CCDC175: variants seen among roughly 807,000 people sequenced by gnomAD.
CCDC175 encodes the protein coiled-coil domain-containing protein 175.
CCDC175 carries 100 observed loss-of-function variants against 114.6 expected under a neutral mutation model. The observed-to-expected ratio is 0.87, with a 90% CI of 0.74 to 1.03. The LOEUF (loss-of-function observed/expected upper bound fraction) is 1.03, where lower values mean the gene tolerates loss of function less well. CCDC175 is among the 50% of genes least tolerant of loss of function. The pLI is 0.00. For missense variants in CCDC175, 880 were observed against 917.8 expected, an observed-to-expected ratio of 0.96 and a Z score of 0.53; for synonymous variants, 306 against 308.7, an observed-to-expected ratio of 0.99 and a Z score of 0.09.
intron 17 of CCDC175, among the ~76,000 whole-genome samples, chr14:59,520,714 T>A (rs1231115460): frequency 2.0e-5 from 3 of 152,212 alleles, no homozygotes. Flanking sequence ...CTTAGATGAA[T>A]CTTAAAACAA....
At chr14:59,547,066 T>C (rs922233589) in intron 8 of CCDC175, among the ~76,000 whole-genome samples, 8 of 151,844 alleles carry the variant, frequency 5.3e-5, no homozygotes, top group African/African-American at 1.9e-4. Flanking sequence ...ACAGGGAGAA[T>C]AGGACAAAAG....
chr14:59,559,144 A>G (rs1896089635), intron 7 of CCDC175, among the ~76,000 whole-genome samples: 1 of 152,152 alleles, frequency 6.6e-6, no homozygotes. Flanking sequence ...CCATAACCTC[A>G]TACACTTTAA....
Position 59,539,333 on chromosome 14 carries a change from T to G in CCDC175, c.1356-493A>C, listed in dbSNP as rs539972729. Among the ~76,000 whole-genome samples the G allele has an allele frequency of 3.9e-5, 6 of 152,314 alleles. No individual in the cohort carries two copies. The South Asian group carries it at 1.0e-3, about 26-fold the overall frequency. On this transcript the variant is annotated intron_variant, in intron 11 of 19. Coordinates refer to ENST00000537690, the MANE Select transcript of CCDC175 (RefSeq NM_001164399.2). ...TGGCTCACGCCTATAATCCCAGCAC[T>G]TTGGGAGGCCGAGGCGGGCAGATCA...
In CCDC175 at chr14:59,513,816, T is replaced by C. The variant is rs147506510; in HGVS notation, c.2099-2013A>G. On this transcript the variant is annotated intron_variant, in intron 17 of 19. Coordinates refer to ENST00000537690, the MANE Select transcript of CCDC175 (RefSeq NM_001164399.2). ...CCCTGTCTGACAGCTTTGAAGAGAG[T>C]AGAGGTTCTCCTAGCACGCAGCTGG... Among the ~76,000 whole-genome samples the C allele has an allele frequency of 3.0e-3, 456 of 152,046 alleles. 1 individual carries two copies. Among genetic ancestry groups the C allele is most frequent in the African/African-American group, 0.01 (420 of 41,464 alleles).
intron 14 of CCDC175, among the ~76,000 whole-genome samples, chr14:59,527,570 G>A (rs1189769514): frequency 1.3e-5 from 2 of 151,878 alleles, no homozygotes; most frequent in African/African-American, 2.4e-5. Context: ...GATCATTATG[G>A]CAATAAGGAT....
chr14:59,565,734 G>A (rs1199176768), intron 4 of CCDC175, among the ~76,000 whole-genome samples: 1 of 151,836 alleles, frequency 6.6e-6, no homozygotes, highest in Non-Finnish European at 1.5e-5. Flanking sequence ...TTGAGATGAG[G>A]ACAGAAGGAA....
At chr14:59,531,274 C>T (rs1045457302) in intron 14 of CCDC175, among the ~76,000 whole-genome samples, 2 of 151,954 alleles carry the variant, frequency 1.3e-5, no homozygotes, top group South Asian at 2.1e-4. Context: ...TGCATACTTT[C>T]GGACATATTT....
At position 59,510,653 on chromosome 14, in the gene CCDC175, G is replaced by A. The variant is rs1010190402; in HGVS notation, c.2298C>T (p.Asp766=). ...RLLVEQESPM[D]LLKKKKHIRT... ...CTCTAAGCTGTTGCTTACTAAGAAG[G>A]TCCATTGGTGATTCCTGTTCCACAA... is the stretch of plus-strand genomic sequence containing the variant. Residue 766 remains aspartate (D), a synonymous_variant, in exon 19 of 20, where the codon GAC becomes GAT. Coordinates refer to ENST00000537690, the MANE Select transcript of CCDC175 (RefSeq NM_001164399.2). 3 of 1,536,944 alleles carry A rather than the reference G, an allele frequency of 2.0e-6. No homozygotes were observed. In the African/African-American group the frequency reaches 4.1e-5, roughly 21 times the overall value.
chr14:59,532,015 G>A lies in CCDC175; in HGVS notation c.1624-105C>T, dbSNP rs1340553385. ...TGAGGGAAAGAGTTTCATCTGTCTT[G>A]GTCTCCTATCCTGAGGTACATAGAA... On this transcript the variant is annotated intron_variant, in intron 13 of 19. Coordinates refer to ENST00000537690, the MANE Select transcript of CCDC175 (RefSeq NM_001164399.2). 10 of 619,948 alleles carry A rather than the reference G, an allele frequency of 1.6e-5. 1 individual carries two copies. The South Asian group carries it at 2.0e-4, about 12-fold the overall frequency. 38.4% of individuals were successfully genotyped at this position (619,948 alleles called of 1,614,324 possible).
At chr14:59,529,799 C>T (rs1282188471) in intron 14 of CCDC175, among the ~76,000 whole-genome samples, 1 of 151,976 alleles carries the variant, frequency 6.6e-6, no homozygotes, top group African/African-American at 2.4e-5. Flanking sequence ...ATGCTTTATC[C>T]ATCAGATTTA....
chr14:59,576,095 C>CT (rs1381241862), intron 1 of CCDC175, among the ~76,000 whole-genome samples: 3 of 152,122 alleles, frequency 2.0e-5, no homozygotes, highest in African/African-American at 7.2e-5. Flanking sequence ...CTGAAAAATA[C>CT]TTTAACCTGG....
At chr14:59,505,848 A>G (rs1193530276) in intron 19 of CCDC175, among the ~76,000 whole-genome samples, 1 of 152,198 alleles carries the variant, frequency 6.6e-6, no homozygotes, top group Admixed American at 6.5e-5. Context: ...TTAAAAGTCA[A>G]AATACAGGTT....
At position 59,551,422 on chromosome 14, in the gene CCDC175, T is replaced by C. The variant is rs777313400; in HGVS notation, c.968A>G (p.Asp323Gly). 2.1e-5 allele frequency: 31 copies of C among 1,448,704 alleles called. No individual in the cohort carries two copies. The South Asian group carries it at 3.6e-4, about 17-fold the overall frequency. The allele number at this position is 1,448,704 out of a possible 1,614,324, so 89.7% of individuals were successfully genotyped here. Residue 323 changes from aspartate to glycine, a missense_variant, in exon 8 of 20, where the codon GAT becomes GGT. Asp to Gly is a moderately conservative substitution (Grantham distance 94). Transcript: ENST00000537690. ...ILEAKLCFFT[D>G]NKEKLDDISN... ...TATATCATCTAGTTTTTCTTTGTTA[T>C]CTGTGAAAAAACACCTATGAACAAA...
At position 59,551,439 on chromosome 14, in the gene CCDC175, A is replaced by G. The variant is rs1216807350; in HGVS notation, c.954-3T>C. On this transcript the variant is annotated splice_region_variant and splice_polypyrimidine_tract_variant and intron_variant, in intron 7 of 19. Coordinates refer to ENST00000537690, the MANE Select transcript of CCDC175 (RefSeq NM_001164399.2). ...CTTTGTTATCTGTGAAAAAACACCT[A>G]TGAACAAAGGAAGCCAAACAGATTC... The G allele has an allele frequency of 1.4e-6, 2 of 1,398,194 alleles. No homozygotes were observed. 86.6% of individuals were successfully genotyped at this position (1,398,194 alleles called of 1,614,324 possible). A position where few individuals can be genotyped will look rare whatever the true frequency, so the allele number is the denominator to read the frequency against.
chr14:59,522,349 G>C (rs1893467898), intron 16 of CCDC175, among the ~76,000 whole-genome samples: 1 of 152,206 alleles, frequency 6.6e-6, no homozygotes, highest in South Asian at 2.1e-4. Flanking sequence ...AGGTAGACAT[G>C]GGACTGTTAC....
chr14:59,526,163 A>G (rs957757928), intron 15 of CCDC175, among the ~76,000 whole-genome samples: 4 of 152,222 alleles, frequency 2.6e-5, no homozygotes, highest in African/African-American at 7.2e-5. Flanking sequence ...CTCTATTATT[A>G]TACTATTATA....
intron 7 of CCDC175, among the ~76,000 whole-genome samples, chr14:59,555,751 A>G (rs561935228): frequency 6.6e-5 from 10 of 152,356 alleles, no homozygotes; most frequent in South Asian, 2.1e-4. Flanking sequence ...TAAGCTGATA[A>G]GCAACTTCAG....
chr14:59,551,408 G>C lies in CCDC175; in HGVS notation c.982C>G (p.Leu328Val). Residue 328 changes from leucine (L) to valine (V), a missense_variant, in exon 8 of 20, where the codon CTA becomes GTA. Physicochemically the swap from Leu to Val is conservative, Grantham distance 32 (BLOSUM62 1). Coordinates refer to ENST00000537690, the MANE Select transcript of CCDC175 (RefSeq NM_001164399.2). ...LCFFTDNKEK[L>V]DDISNDEKNE... The stretch of plus-strand genomic sequence containing the variant: ...TTTTCATCATTAGATATATCATCTA[G>C]TTTTTCTTTGTTATCTGTGAAAAAA... 6.9e-7 allele frequency: 1 copy of C among 1,453,536 alleles called. No homozygotes were observed. The highest frequency in any genetic ancestry group is 1.3e-5 in the South Asian group (1 of 76,244). The allele number at this position is 1,453,536 out of a possible 1,614,324, so 90.0% of individuals were successfully genotyped here. A position where few individuals can be genotyped will look rare whatever the true frequency, so the allele number is the denominator to read the frequency against.
intron 13 of CCDC175, among the ~76,000 whole-genome samples, chr14:59,532,354 G>T (rs1024955329): frequency 1.3e-5 from 2 of 152,152 alleles, no homozygotes; most frequent in African/African-American, 4.8e-5. Context: ...TGAGTAAAAA[G>T]TGCCCAAAGC....
Sources: gnomAD v4.1 joint callset for allele counts (sites outside exome capture counted in the v4.1 genomes callset) on GRCh38, gnomAD v4.1.1 for gene constraint, MANE v1.5 for transcripts, NCBI Gene and HGNC (gene_info 2026-07-23, HGNC 2026-07-21) for gene names.